PCDHA6: variants seen among roughly 807,000 people sequenced by gnomAD.
The protein encoded by PCDHA6 is protocadherin alpha 6, also known as protocadherin alpha-6.
PCDHA6 carries 55 observed loss-of-function variants against 60.3 expected under a neutral mutation model. The ratio of observed to expected loss-of-function variants is 0.91; its 90% CI spans 0.73 to 1.14. The LOEUF is 1.14. Among genes scored for constraint, PCDHA6 ranks in the 50% most tolerant of loss-of-function variants. PCDHA6 has a pLI of 0.00. For missense variants in PCDHA6, 1,327 were observed against 1,256.5 expected, an observed-to-expected ratio of 1.06 and a Z score of -0.85; for synonymous variants, 652 against 557.9, an observed-to-expected ratio of 1.17 and a Z score of -2.38.
intron 1 of PCDHA6, chr5:140,836,007 G>C: frequency 1.9e-6 from 3 of 1,613,296 alleles, no homozygotes; most frequent in Non-Finnish European, 2.5e-6. Context: ...CGATGCGGGC[G>C]TGCCGCCTCT....
In PCDHA6 at chr5:140,829,832, G is replaced by T; in HGVS notation, c.1741G>T (p.Val581Leu). 1 of 1,613,932 alleles carries T rather than the reference G, an allele frequency of 6.2e-7. No homozygotes were observed. Among genetic ancestry groups the T allele is most frequent in the Non-Finnish European group, 8.5e-7 (1 of 1,179,888 alleles). Residue 581 changes from valine (V) to leucine (L), a missense_variant, in exon 1 of 4, where the codon GTG becomes TTG. Transcript: ENST00000529310. ...TACTGGTGGTGCAGTGAGCGAGCTG[G>T]TGCCGCGGTCACTGGGTGCAGGCCA... ...GGTGGAVSEL[V>L]PRSLGAGQVV... is the part of the protein sequence containing the mutation.
intron 1 of PCDHA6, among the ~76,000 whole-genome samples, chr5:140,971,388 C>A (rs1554233283): frequency 6.6e-6 from 1 of 152,132 alleles, no homozygotes; most frequent in Non-Finnish European, 1.5e-5. Flanking sequence ...TTAATAAAGG[C>A]AAATTTCTGC....
rs2150179616 is a variant in PCDHA6 at position 140,830,014 on chromosome 5, C to A, written c.1923C>A (p.Asp641Glu). The change falls in exon 1 of 4, where the codon GAC (aspartate) becomes GAA (glutamate). Residue 641 changes from aspartate (D) to glutamate (E), a missense_variant. Transcript: ENST00000529310. ...ISTTRVLDEADSPRHRLLVLV... is the reference protein window; with the variant it reads ...ISTTRVLDEAESPRHRLLVLV... The stretch of plus-strand genomic sequence containing the variant: ...CCACTCGTGTCCTGGACGAAGCGGA[C>A]TCTCCGCGCCACCGGCTGCTGGTGC... 1 of 1,613,898 alleles carries A rather than the reference C, an allele frequency of 6.2e-7. No individual in the cohort carries two copies. The highest frequency in any genetic ancestry group is 1.1e-5 in the South Asian group (1 of 91,072).
Position 140,856,394 on chromosome 5 carries a change from T to C in PCDHA6, c.2394+25909T>C, listed in dbSNP as rs782124565. On this transcript the variant is annotated intron_variant, in intron 1 of 3. Coordinates refer to ENST00000529310, the MANE Select transcript of PCDHA6 (RefSeq NM_018909.4). The stretch of plus-strand genomic sequence containing the variant: ...GATCGTGGACAGGCCGCTGCAGGTT[T>C]TCCATGTGGACGTGGAAGTGAAGGA... The C allele has an allele frequency of 2.5e-6, 4 of 1,598,384 alleles. No individual in the cohort carries two copies. The African/African-American group carries it at 5.4e-5, about 22-fold the overall frequency.
At position 140,886,151 on chromosome 5, in the gene PCDHA6, T is replaced by G. The variant is rs184205776; in HGVS notation, c.2394+55666T>G. Reference sequence around the variant, plus strand: ...ACAACCAGATTCTTGATATCACCTTTTTATAGCCACATCTGCTTCCCTGCC... The same window carrying G: ...ACAACCAGATTCTTGATATCACCTTGTTATAGCCACATCTGCTTCCCTGCC... On this transcript the variant is annotated intron_variant, in intron 1 of 3. Coordinates refer to ENST00000529310, the MANE Select transcript of PCDHA6 (RefSeq NM_018909.4). Among the ~76,000 whole-genome samples, 468 of 152,312 alleles carry G rather than the reference T, an allele frequency of 3.1e-3. 3 individuals are homozygous for G. Among genetic ancestry groups the G allele is most frequent in the Middle Eastern group, 0.014 (4 of 294 alleles).
intron 1 of PCDHA6, among the ~76,000 whole-genome samples, chr5:140,973,163 G>A (rs1473284872): frequency 1.3e-5 from 2 of 152,166 alleles, no homozygotes; most frequent in African/African-American, 4.8e-5. Context: ...GCAATTTGTA[G>A]TCACCAAACC....
chr5:140,989,242 C>T (rs562894633), intron 3 of PCDHA6, among the ~76,000 whole-genome samples: 5 of 152,226 alleles, frequency 3.3e-5, no homozygotes, highest in African/African-American at 1.2e-4. Flanking sequence ...GTTTTAAGCC[C>T]CTTGTCAAAA....
chr5:140,951,889 G>A (rs2094649080), intron 1 of PCDHA6, among the ~76,000 whole-genome samples: 1 of 152,142 alleles, frequency 6.6e-6, no homozygotes, highest in Non-Finnish European at 1.5e-5. Flanking sequence ...ACTCTCTTCT[G>A]CCTATGAGCC....
intron 1 of PCDHA6, chr5:140,863,799 G>T: frequency 4.7e-6 from 1 of 212,460 alleles, no homozygotes; most frequent in Non-Finnish European, 9.6e-6. Context: ...AGGAGTTTGA[G>T]ACCAGCCTGG....
At chr5:140,830,990 A>G (rs1771317150) in intron 1 of PCDHA6, 1 of 152,262 alleles carries the variant, frequency 6.6e-6, no homozygotes, top group Non-Finnish European at 1.5e-5. Context: ...TCTGATCATC[A>G]TAGTTTTTAT....
chr5:140,967,774 G>C (rs1447955993), intron 1 of PCDHA6: 3 of 1,614,106 alleles, frequency 1.9e-6, no homozygotes, highest in Non-Finnish European at 1.7e-6. Context: ...TCTATGTGCA[G>C]GCGACTGACC....
At chr5:140,836,137 TG>T in intron 1 of PCDHA6, 1 of 1,613,712 alleles carries the variant, frequency 6.2e-7, no homozygotes, top group Non-Finnish European at 8.5e-7. Context: ...CCGCGGTCTG[TG>T]GGCGCGGGCC....
At chr5:140,898,583 G>C (rs1179481608) in intron 1 of PCDHA6, among the ~76,000 whole-genome samples, 2 of 152,124 alleles carry the variant, frequency 1.3e-5, no homozygotes, top group African/African-American at 4.8e-5. Context: ...TGCTGTTTTG[G>C]TTACTGTAGC....
At chr5:140,905,351 TTGACTA>T (rs2071764307) in intron 1 of PCDHA6, among the ~76,000 whole-genome samples, 1 of 152,208 alleles carries the variant, frequency 6.6e-6, no homozygotes, top group Non-Finnish European at 1.5e-5. Context: ...CTGTAAGTAT[TTGACTA>T]TATTTCTGGT....
intron 1 of PCDHA6, among the ~76,000 whole-genome samples, chr5:140,832,596 A>G (rs2150115018): frequency 6.6e-6 from 1 of 152,326 alleles, no homozygotes; most frequent in Non-Finnish European, 1.5e-5. Context: ...AGAGAACTAT[A>G]GCGTTGCTAG....
At chr5:140,883,744 C>T (rs782708384) in intron 1 of PCDHA6, 1 of 1,613,374 alleles carries the variant, frequency 6.2e-7, no homozygotes, top group South Asian at 1.1e-5. Flanking sequence ...TGGTCTCCTA[C>T]TCGCTGGTGG....
chr5:140,839,049 A>G (rs943525046), intron 1 of PCDHA6, among the ~76,000 whole-genome samples: 2 of 152,062 alleles, frequency 1.3e-5, no homozygotes, highest in African/African-American at 4.8e-5. Context: ...TTCAACGTGA[A>G]TAAGGATAGA....
chr5:140,877,206 C>T (rs782807049), intron 1 of PCDHA6: 3 of 1,613,650 alleles, frequency 1.9e-6, no homozygotes, highest in African/African-American at 2.7e-5. Flanking sequence ...GCGCAGTTAG[C>T]GAGTTGGTAC....
At chr5:140,998,906 AG>A (rs1267220398) in intron 3 of PCDHA6, among the ~76,000 whole-genome samples, 10 of 152,208 alleles carry the variant, frequency 6.6e-5, no homozygotes, top group Non-Finnish European at 1.5e-5. Context: ...TGCCTCCGGG[AG>A]GTAGCTATTA....
Sources: allele counts gnomAD v4.1 joint callset (sites outside exome capture counted in the v4.1 genomes callset), GRCh38; gene constraint gnomAD v4.1.1; transcripts MANE v1.5; gene names NCBI Gene and HGNC (gene_info 2026-07-23, HGNC 2026-07-21).